Variants in SRGAP3 observed in about 807,000 individuals in gnomAD.
SRGAP3 encodes the protein SLIT-ROBO Rho GTPase-activating protein 3.
A neutral mutation model predicts 121.1 loss-of-function variants in SRGAP3; 39 were observed. The ratio of observed to expected loss-of-function variants is 0.32; its 90% CI spans 0.25 to 0.42. The LOEUF is 0.42. SRGAP3 is among the 10% of genes least tolerant of loss of function. SRGAP3 has a pLI of 1.00. For synonymous variants in SRGAP3, 601 were observed against 570.0 expected (o/e 1.05, Z -0.77); for missense variants, 1,213 against 1,470.6 (o/e 0.82, Z 2.86).
At chr3:9,099,108 G>A (rs1277689462) in intron 3 of SRGAP3, among the ~76,000 whole-genome samples, 4 of 152,250 alleles carry the variant, frequency 2.6e-5, no homozygotes, top group East Asian at 3.9e-4. Context: ...TTTTGATCTC[G>A]GTTACAAAGC....
chr3:9,245,817 G>A lies in SRGAP3; in HGVS notation c.67+3068C>T, dbSNP rs371337698. On this transcript the variant is annotated intron_variant, in intron 1 of 21. Transcript: ENST00000383836. ...CACGTGCCTGTAATGCCAGCTACTCGGGAGGCTGAGGGAGGAGAATCTCTT... is the reference window on the plus strand; with the variant it reads ...CACGTGCCTGTAATGCCAGCTACTCAGGAGGCTGAGGGAGGAGAATCTCTT... Among the ~76,000 whole-genome samples the A allele has an allele frequency of 2.8e-4, 43 of 152,222 alleles. 1 individual carries two copies. The highest frequency in any genetic ancestry group is 3.9e-4 in the East Asian group (2 of 5,168).
chr3:9,016,661 T>C (rs1260993371), intron 14 of SRGAP3, among the ~76,000 whole-genome samples: 1 of 152,216 alleles, frequency 6.6e-6, no homozygotes, highest in African/African-American at 2.4e-5. Flanking sequence ...GTCAAGATGA[T>C]ACTCTGAGAC....
At chr3:9,013,682 C>T (rs770634850) in intron 16 of SRGAP3, 55 bp downstream of exon 16, 17 of 1,595,190 alleles carry the variant, frequency 1.1e-5, no homozygotes, top group Non-Finnish European at 1.5e-5. Flanking sequence ...AAGATACCCC[C>T]TCCCAAAAGA....
chr3:9,210,655 T>C (rs1952417636), intron 1 of SRGAP3, among the ~76,000 whole-genome samples: 1 of 151,984 alleles, frequency 6.6e-6, no homozygotes, highest in Non-Finnish European at 1.5e-5. Context: ...TGAAACCCCA[T>C]CTCTTCTAAA....
intron 3 of SRGAP3, among the ~76,000 whole-genome samples, chr3:9,316,355 G>GT (rs1394858012): frequency 5.5e-5 from 8 of 145,342 alleles, no homozygotes; most frequent in Non-Finnish European, 1.2e-4. Flanking sequence ...AGCCTTCTTG[G>GT]TTAAAAAAAA....
chr3:9,001,651 T>G (rs76329653), intron 18 of SRGAP3, among the ~76,000 whole-genome samples: 28,071 of 151,932 alleles, frequency 0.18, 3,059 homozygotes, highest in Non-Finnish European at 0.25. Context: ...ACAGACTGGA[T>G]AAAATAAAAT....
chr3:9,136,530 C>T (rs1178292532), intron 1 of SRGAP3, among the ~76,000 whole-genome samples: 1 of 152,204 alleles, frequency 6.6e-6, no homozygotes, highest in African/African-American at 2.4e-5. Flanking sequence ...ACCCTGTAGT[C>T]TCTCCCTCTC....
chr3:9,162,792 G>C (rs1318733678), intron 1 of SRGAP3, among the ~76,000 whole-genome samples: 2 of 152,228 alleles, frequency 1.3e-5, no homozygotes, highest in African/African-American at 4.8e-5. Context: ...CTGTGAAATG[G>C]AAACAACAAT....
intron 1 of SRGAP3, among the ~76,000 whole-genome samples, chr3:9,181,103 C>T (rs1282585207): frequency 2.6e-5 from 4 of 152,228 alleles, no homozygotes; most frequent in African/African-American, 4.8e-5. Context: ...ATTTCAGTTT[C>T]CTCCTTTGTA....
intron 1 of SRGAP3, among the ~76,000 whole-genome samples, chr3:9,238,821 G>A (rs536580260): frequency 1.8e-4 from 27 of 152,260 alleles, no homozygotes; most frequent in South Asian, 1.2e-3. Context: ...CAGCAGAATC[G>A]CCTCTGGTGC....
Position 8,981,706 on chromosome 3 carries a change from T to A in SRGAP3, c.*3813A>T, listed in dbSNP as rs920523761. On this transcript the variant is annotated 3_prime_UTR_variant, in exon 22 of 22. Transcript: ENST00000383836. ...GTGTACCACAAACCGGTTTTAAATGTTTATAAGGCAGATCTCTGAACTGCT... is the reference window on the plus strand; with the variant it reads ...GTGTACCACAAACCGGTTTTAAATGATTATAAGGCAGATCTCTGAACTGCT... 1 of 230,894 alleles carries A rather than the reference T, an allele frequency of 4.3e-6. No individual in the cohort carries two copies. Among genetic ancestry groups the A allele is most frequent in the African/African-American group, 2.2e-5 (1 of 45,192 alleles). 14.3% of individuals were successfully genotyped at this position (230,894 alleles called of 1,614,324 possible). A position where few individuals can be genotyped will look rare whatever the true frequency, so the allele number is the denominator to read the frequency against.
At chr3:9,259,219 T>C (rs1954201252) in intron 3 of SRGAP3, among the ~76,000 whole-genome samples, 3 of 152,200 alleles carry the variant, frequency 2.0e-5, no homozygotes, top group African/African-American at 7.2e-5. Context: ...GTTTCTTTTT[T>C]TTCATATGGC....
chr3:9,249,489 G>A lies in SRGAP3; in HGVS notation c.-538C>T, dbSNP rs191571383. The A allele has an allele frequency of 3.1e-4, 77 of 245,346 alleles. 1 individual carries two copies. Among genetic ancestry groups the A allele is most frequent in the African/African-American group, 1.4e-3 (65 of 45,572 alleles). 15.2% of individuals were successfully genotyped at this position (245,346 alleles called of 1,614,324 possible). A position where few individuals can be genotyped will look rare whatever the true frequency, so the allele number is the denominator to read the frequency against. ...CCCCTGGCTTGCTTTTGAAGGCTCT[G>A]CTAAGTCGATGGTCAGGTTGCCAAA... On this transcript the variant is annotated 5_prime_UTR_variant, in exon 1 of 22. Coordinates refer to ENST00000383836, the MANE Select transcript of SRGAP3 (RefSeq NM_014850.4).
At chr3:9,076,585 C>T (rs928878511) in intron 4 of SRGAP3, among the ~76,000 whole-genome samples, 1 of 152,068 alleles carries the variant, frequency 6.6e-6, no homozygotes, top group Non-Finnish European at 1.5e-5. Flanking sequence ...AACTCCTTCT[C>T]TCTTCCTCTC....
intron 1 of SRGAP3, among the ~76,000 whole-genome samples, chr3:9,136,064 G>GC (rs984308445): frequency 2.0e-5 from 3 of 152,162 alleles, no homozygotes; most frequent in African/African-American, 7.2e-5. Flanking sequence ...GCCATCTCGC[G>GC]CCCCGCGTCC....
intron 3 of SRGAP3, among the ~76,000 whole-genome samples, chr3:9,304,583 G>C (rs1253173405): frequency 6.6e-6 from 1 of 152,162 alleles, no homozygotes; most frequent in Non-Finnish European, 1.5e-5. Context: ...ACCATGTTCT[G>C]CTGCCCTTGG....
intron 2 of SRGAP3, among the ~76,000 whole-genome samples, chr3:9,105,952 C>T (rs897686336): frequency 6.6e-6 from 1 of 152,186 alleles, no homozygotes; most frequent in Non-Finnish European, 1.5e-5. Context: ...AGCCTATTTT[C>T]TAATAAACTG....
intron 4 of SRGAP3, among the ~76,000 whole-genome samples, chr3:9,075,466 G>C (rs1253453833): frequency 6.6e-6 from 1 of 152,186 alleles, no homozygotes; most frequent in Non-Finnish European, 1.5e-5. Flanking sequence ...GCTAAGGGCT[G>C]AGCAGATAAG....
chr3:9,069,438 G>GC (rs1946580504), intron 4 of SRGAP3, among the ~76,000 whole-genome samples: 1 of 152,176 alleles, frequency 6.6e-6, no homozygotes, highest in African/African-American at 2.4e-5. Context: ...TGTCTGAAGG[G>GC]CCCCTCAGAG....
Sources: gnomAD v4.1 joint callset for allele counts (sites outside exome capture counted in the v4.1 genomes callset) on GRCh38, gnomAD v4.1.1 for gene constraint, MANE v1.5 for transcripts, NCBI Gene and HGNC (gene_info 2026-07-23, HGNC 2026-07-21) for gene names.